KIRREL3: variants seen among roughly 807,000 people sequenced by gnomAD.
KIRREL3 encodes the protein kirre like nephrin family adhesion molecule 3.
Under a neutral mutation model 89.7 loss-of-function variants are expected in KIRREL3, and 36 were observed. That is an observed-to-expected ratio of 0.40 (90% confidence interval 0.31 to 0.53). The LOEUF (loss-of-function observed/expected upper bound fraction) is 0.53. Among genes scored for constraint, KIRREL3 ranks in the 20% least tolerant of loss-of-function variants. The pLI is 0.49. For synonymous variants in KIRREL3, 445 were observed against 441.4 expected, an observed-to-expected ratio of 1.01 and a Z score of -0.10; for missense variants, 864 against 1,056.6, an observed-to-expected ratio of 0.82 and a Z score of 2.53.
Position 126,456,057 on chromosome 11 carries a change from T to TTTTTTTTTTTTTTTTTTTTTTTTTTTC in KIRREL3, c.848+291_848+292insGAAAAAAAAAAAAAAAAAAAAAAAAAA, listed in dbSNP as rs147218473. On this transcript the variant is annotated intron_variant, in intron 7 of 16. Transcript: ENST00000525144. ...TGTTTTCGTTTTTTTTTTTTTTTTT[T>TTTTTTTTTTTTTTTTTTTTTTTTTTTC]CCTGAGCCTTTTCCCCATGTTTGGA... Among the ~76,000 whole-genome samples, 56 of 109,794 alleles carry TTTTTTTTTTTTTTTTTTTTTTTTTTTC rather than the reference T, an allele frequency of 5.1e-4. 2 individuals carry two copies. Among genetic ancestry groups the TTTTTTTTTTTTTTTTTTTTTTTTTTTC allele is most frequent in the Middle Eastern group, 5.8e-3 (1 of 172 alleles). 72.0% of individuals were successfully genotyped at this position (109,794 alleles called of 152,430 possible).
At chr11:126,759,532 A>G (rs530212673) in intron 1 of KIRREL3, among the ~76,000 whole-genome samples, 2 of 152,338 alleles carry the variant, frequency 1.3e-5, no homozygotes, top group East Asian at 3.9e-4. Flanking sequence ...GTTTTTACTG[A>G]TGGATGTTAG....
intron 1 of KIRREL3, among the ~76,000 whole-genome samples, chr11:126,881,496 G>A (rs777563003): frequency 1.2e-4 from 18 of 152,144 alleles, no homozygotes; most frequent in Admixed American, 2.6e-4. Context: ...TAGATCTGTC[G>A]CAGCCACTGG....
intron 1 of KIRREL3, among the ~76,000 whole-genome samples, chr11:126,731,301 C>T (rs1225900769): frequency 6.6e-6 from 1 of 152,158 alleles, no homozygotes; most frequent in Non-Finnish European, 1.5e-5. Flanking sequence ...CATGTTCTTC[C>T]ATACCTCTGG....
rs529579437 is a variant in KIRREL3 at position 126,763,781 on chromosome 11, A to G, written c.56-200869T>C. On this transcript the variant is annotated intron_variant, in intron 1 of 16. Transcript: ENST00000525144. The surrounding 1 kb of genome is among the most constrained non-coding windows in gnomAD (Gnocchi z 4.7). ...CGTAGGGAAAGCTTGTCCACAAAGC[A>G]CTTGACACACAGTAGGCACTGAGTA... Among the ~76,000 whole-genome samples the G allele has an allele frequency of 6.6e-6, 1 of 152,264 alleles. No homozygotes were observed. The highest frequency in any genetic ancestry group is 2.1e-4 in the South Asian group (1 of 4,818).
chr11:126,895,324 A>T (rs931147739), intron 1 of KIRREL3, among the ~76,000 whole-genome samples: 2 of 151,800 alleles, frequency 1.3e-5, no homozygotes, highest in Non-Finnish European at 2.9e-5. Flanking sequence ...TTAGCCAGGC[A>T]TGGTGGAGGG....
chr11:126,660,722 A>G (rs1472165999), intron 1 of KIRREL3, among the ~76,000 whole-genome samples: 1 of 152,190 alleles, frequency 6.6e-6, no homozygotes, highest in Non-Finnish European at 1.5e-5. Flanking sequence ...AAGTCAGTAA[A>G]CCATAAAACT....
At chr11:126,916,398 A>C (rs1947039045) in intron 1 of KIRREL3, among the ~76,000 whole-genome samples, 1 of 152,208 alleles carries the variant, frequency 6.6e-6, no homozygotes, top group Non-Finnish European at 1.5e-5. Context: ...GGCCGCCAGA[A>C]TCTGCATTTT....
At chr11:126,901,334 T>C (rs965174399) in intron 1 of KIRREL3, among the ~76,000 whole-genome samples, 1 of 152,052 alleles carries the variant, frequency 6.6e-6, no homozygotes, top group African/African-American at 2.4e-5. Context: ...TCTGTTGAAG[T>C]ATTGACAAAT....
rs534546640 is a variant in KIRREL3 at position 126,471,903 on chromosome 11, C to T, written c.591+1406G>A. Among the ~76,000 whole-genome samples the T allele has an allele frequency of 1.3e-4, 20 of 152,206 alleles. No individual in the cohort carries two copies. Among genetic ancestry groups the T allele is most frequent in the Middle Eastern group, 3.4e-3 (1 of 294 alleles). ...TCAGGGTGCTTCCAGCCCTTGGTATCGTGTGTGAATTAGAGACCAGAACCC... is the reference window on the plus strand; with the variant it reads ...TCAGGGTGCTTCCAGCCCTTGGTATTGTGTGTGAATTAGAGACCAGAACCC... On this transcript the variant is annotated intron_variant, in intron 5 of 16. Coordinates refer to ENST00000525144, the MANE Select transcript of KIRREL3 (RefSeq NM_032531.4). This position sits in a 1 kb window ranked among gnomAD's most constrained non-coding sequence, Gnocchi z 5.4.
chr11:126,440,631 T>G, intron 10 of KIRREL3, 82 bp from the exon 11 acceptor site: 1 of 1,204,198 alleles, frequency 8.3e-7, no homozygotes, highest in Non-Finnish European at 1.2e-6. Flanking sequence ...CAGAAGTGTA[T>G]TCATTAATCC....
intron 1 of KIRREL3, among the ~76,000 whole-genome samples, chr11:126,699,284 C>T (rs1020533556): frequency 6.6e-5 from 10 of 152,182 alleles, no homozygotes; most frequent in East Asian, 5.8e-4. Context: ...ATATCATAAC[C>T]GCATCTTCCC....
chr11:126,695,554 A>C (rs943071515), intron 1 of KIRREL3, among the ~76,000 whole-genome samples: 3 of 152,154 alleles, frequency 2.0e-5, no homozygotes, highest in Non-Finnish European at 4.4e-5. Context: ...CAGGCTCAGC[A>C]AATACTTCTA....
At chr11:126,861,729 G>A (rs1259665510) in intron 1 of KIRREL3, among the ~76,000 whole-genome samples, 1 of 152,168 alleles carries the variant, frequency 6.6e-6, no homozygotes, top group East Asian at 1.9e-4. Flanking sequence ...GTTTTATCTG[G>A]CAGTCAAAAA....
At chr11:126,433,189 A>T (rs1471746298) in intron 13 of KIRREL3, among the ~76,000 whole-genome samples, 1 of 152,238 alleles carries the variant, frequency 6.6e-6, no homozygotes, top group East Asian at 1.9e-4. Context: ...AGCAGTTCAC[A>T]GTCTTAAAGG....
rs1337194288 is a variant in KIRREL3, at chr11:126,476,702, G to A, written c.434-3236C>T. ...GGGTTGGTGAGGATGGAGGATGTTT[G>A]GGGGCCAGCAGGCTGAAGAGAAATC... On this transcript the variant is annotated intron_variant, in intron 4 of 16. Transcript: ENST00000525144. The surrounding 1 kb of genome is among the most constrained non-coding windows in gnomAD (Gnocchi z 6.4). Among the ~76,000 whole-genome samples, 1 of 152,092 alleles carries A rather than the reference G, an allele frequency of 6.6e-6. No individual in the cohort carries two copies. Among genetic ancestry groups the A allele is most frequent in the East Asian group, 1.9e-4 (1 of 5,186 alleles).
intron 1 of KIRREL3, among the ~76,000 whole-genome samples, chr11:126,572,093 C>T (rs1035889406): frequency 6.6e-6 from 1 of 152,206 alleles, no homozygotes; most frequent in African/African-American, 2.4e-5. Context: ...GAGGCTCAGC[C>T]TGGTCCATTC....
intron 1 of KIRREL3, among the ~76,000 whole-genome samples, chr11:126,939,722 C>A (rs1336291148): frequency 1.3e-5 from 2 of 152,184 alleles, no homozygotes; most frequent in Admixed American, 6.5e-5. Flanking sequence ...TTGGTCCTCC[C>A]AAATGCTGCT....
At chr11:126,963,246 G>T (rs1426909410) in intron 1 of KIRREL3, among the ~76,000 whole-genome samples, 1 of 151,824 alleles carries the variant, frequency 6.6e-6, no homozygotes, top group Admixed American at 6.6e-5. Flanking sequence ...CTAACACTTA[G>T]TTTCCTGAAA....
At chr11:126,975,914 CCCTTCCTCCCTCCCTCCCTCCCTCCCTT>C (rs1949557798) in intron 1 of KIRREL3, among the ~76,000 whole-genome samples, 1 of 75,174 alleles carries the variant, frequency 1.3e-5, no homozygotes, top group African/African-American at 5.2e-5. Flanking sequence ...CTTCCTCCCT[CCCTTCCTCCCTCCCTCCCTCCCTCCCTT>C]CCTTCCTTCC....
Sources: allele counts gnomAD v4.1 joint callset (sites outside exome capture counted in the v4.1 genomes callset), GRCh38; gene constraint gnomAD v4.1.1; non-coding constraint Gnocchi (gnomAD v3.1); transcripts MANE v1.5; gene names NCBI Gene and HGNC (gene_info 2026-07-23, HGNC 2026-07-21).